The following CDKL1 variants were observed in gnomAD, a reference collection of about 807,000 sequenced individuals.
CDKL1 encodes cyclin-dependent kinase-like 1.
A neutral mutation model predicts 42.0 loss-of-function variants in CDKL1; 41 were observed. The ratio of observed to expected loss-of-function variants is 0.98; its 90% CI spans 0.76 to 1.27. CDKL1 has a LOEUF of 1.27. Ranked by LOEUF, CDKL1 falls within the 50% of genes most tolerant of loss-of-function variation. CDKL1 has a pLI of 0.00. For synonymous variants in CDKL1, 153 were observed against 158.6 expected (o/e 0.96, Z 0.26); for missense variants, 394 against 428.4 (o/e 0.92, Z 0.71).
chr14:50,368,885 T>A (rs1475214738), intron 2 of CDKL1, among the ~76,000 whole-genome samples: 1 of 149,682 alleles, frequency 6.7e-6, no homozygotes, highest in Non-Finnish European at 1.5e-5. Flanking sequence ...TTTTTTTTTT[T>A]AGATGGAGTC....
chr14:50,358,056 G>T, intron 3 of CDKL1: 1 of 1,355,644 alleles, frequency 7.4e-7, no homozygotes, highest in Non-Finnish European at 9.9e-7. Flanking sequence ...TTCAGGAAGG[G>T]ACCCCCTCCT....
At chr14:50,391,154 G>A (rs1408998955) in intron 2 of CDKL1, among the ~76,000 whole-genome samples, 1 of 151,942 alleles carries the variant, frequency 6.6e-6, no homozygotes, top group Non-Finnish European at 1.5e-5. Flanking sequence ...GATTTAACGT[G>A]ATTTTCTTCC....
intron 2 of CDKL1, among the ~76,000 whole-genome samples, chr14:50,370,769 G>C (rs2034568330): frequency 6.6e-6 from 1 of 152,148 alleles, no homozygotes; most frequent in South Asian, 2.1e-4. Flanking sequence ...GGGAGAGAGA[G>C]GGAATTGGCA....
At chr14:50,362,010 C>T (rs910349567) in intron 2 of CDKL1, among the ~76,000 whole-genome samples, 4 of 152,182 alleles carry the variant, frequency 2.6e-5, no homozygotes, top group African/African-American at 9.7e-5. Context: ...TTGGGGGGCC[C>T]GGCACTCTAG....
intron 4 of CDKL1, 159 bp from the exon 5 acceptor site, chr14:50,342,381 A>G: frequency 1.4e-6 from 2 of 1,403,428 alleles, no homozygotes; most frequent in Non-Finnish European, 1.9e-6. Context: ...ATCTAGTACC[A>G]TGCCTGTCAG....
At chr14:50,338,381 C>T (rs2033386065) in intron 7 of CDKL1, among the ~76,000 whole-genome samples, 1 of 152,140 alleles carries the variant, frequency 6.6e-6, no homozygotes, top group African/African-American at 2.4e-5. Flanking sequence ...TCATGTGCCA[C>T]CATGCCTGGC....
intron 6 of CDKL1, 76 bp downstream of exon 6, chr14:50,340,956 G>A: frequency 1.3e-5 from 20 of 1,522,290 alleles, no homozygotes; most frequent in Non-Finnish European, 1.7e-5. Context: ...AGGTGAGACT[G>A]AGAACTTGGC....
Position 50,375,900 on chromosome 14 carries a change from G to T in CDKL1, c.169-16751C>A, listed in dbSNP as rs186054431. Among the ~76,000 whole-genome samples, 103 of 152,196 alleles carry T rather than the reference G, an allele frequency of 6.8e-4. 2 individuals are homozygous for T. Among genetic ancestry groups the T allele is most frequent in the Admixed American group, 1.6e-3 (24 of 15,278 alleles). ...CCTGGTCTAATCATGAGAAAAAACA[G>T]ACAAATTCCAACAGAGGGACATTCT... On this transcript the variant is annotated intron_variant, in intron 2 of 9. Transcript: ENST00000395834.
intron 5 of CDKL1, 56 bp from the exon 6 acceptor site, chr14:50,341,288 T>C (rs1595275404): frequency 5.9e-6 from 9 of 1,534,136 alleles, no homozygotes; most frequent in Non-Finnish European, 7.0e-6. Context: ...GAATCAAAAC[T>C]GAGGGGGAGA....
chr14:50,382,009 C>T (rs1426135430), intron 2 of CDKL1, among the ~76,000 whole-genome samples: 7 of 152,118 alleles, frequency 4.6e-5, no homozygotes, highest in African/African-American at 1.7e-4. Flanking sequence ...AGATTTTCAA[C>T]CAGGCAATTT....
intron 2 of CDKL1, among the ~76,000 whole-genome samples, chr14:50,373,270 G>C (rs886873412): frequency 6.6e-6 from 1 of 152,154 alleles, no homozygotes; most frequent in Non-Finnish European, 1.5e-5. Context: ...TCTTATTTAT[G>C]TATTGTTAAG....
At chr14:50,355,098 A>G (rs140738351) in intron 3 of CDKL1, among the ~76,000 whole-genome samples, 7 of 152,028 alleles carry the variant, frequency 4.6e-5, no homozygotes, top group African/African-American at 1.7e-4. Context: ...ACTTTTTCCT[A>G]TGTCAATATA....
chr14:50,350,224 C>A (rs1399764625), intron 3 of CDKL1, among the ~76,000 whole-genome samples: 1 of 152,182 alleles, frequency 6.6e-6, no homozygotes, highest in Admixed American at 6.5e-5. Context: ...GGAAGATGTT[C>A]TTAAAATTGT....
At chr14:50,388,574 C>A (rs2035155676) in intron 2 of CDKL1, among the ~76,000 whole-genome samples, 1 of 152,220 alleles carries the variant, frequency 6.6e-6, no homozygotes, top group Non-Finnish European at 1.5e-5. Context: ...TCTGTCTGTG[C>A]TTTCCTCTTC....
intron 2 of CDKL1, among the ~76,000 whole-genome samples, chr14:50,374,708 C>T (rs2356246): frequency 0.74 from 113,297 of 152,098 alleles, 42,793 homozygotes; most frequent in African/African-American, 0.87. Flanking sequence ...ACTCTAGATA[C>T]ATGTATGTAC....
At chr14:50,342,944 A>T (rs886985164) in intron 4 of CDKL1, 11 of 1,356,918 alleles carry the variant, frequency 8.1e-6, no homozygotes, top group Non-Finnish European at 1.1e-5. Flanking sequence ...TCTGTCCCAC[A>T]CACAAGTGCT....
At chr14:50,361,968 C>T (rs555085587) in intron 2 of CDKL1, among the ~76,000 whole-genome samples, 7 of 152,184 alleles carry the variant, frequency 4.6e-5, no homozygotes, top group African/African-American at 1.2e-4. Flanking sequence ...GAGGCGCAGG[C>T]GGGAACCGGC....
chr14:50,334,679 C>G, intron 7 of CDKL1, 58 bp from the exon 8 acceptor site: 1 of 1,039,374 alleles, frequency 9.6e-7, no homozygotes, highest in Non-Finnish European at 1.5e-6. Context: ...AAGGTTACCT[C>G]AAATTAAATC....
intron 2 of CDKL1, among the ~76,000 whole-genome samples, chr14:50,378,882 C>T (rs1274490549): frequency 1.4e-5 from 2 of 145,136 alleles, no homozygotes; most frequent in African/African-American, 5.1e-5. Flanking sequence ...GACAGAGTTT[C>T]ACTCTGTCAC....
Sources: gnomAD v4.1 joint callset for allele counts (sites outside exome capture counted in the v4.1 genomes callset) on GRCh38, gnomAD v4.1.1 for gene constraint, MANE v1.5 for transcripts, NCBI Gene and HGNC (gene_info 2026-07-23, HGNC 2026-07-21) for gene names.